Variants in CD36 observed in about 807,000 individuals in gnomAD.
CD36 encodes platelet glycoprotein 4.
In CD36, 119 loss-of-function variants were observed where a neutral mutation model predicts 55.2. The observed-to-expected ratio is 2.15, with a 90% confidence interval of 1.86 to 2.51. CD36 has a LOEUF of 2.51. Ranked by LOEUF, CD36 falls within the 30% of genes most tolerant of loss-of-function variation. The pLI is 0.00. For synonymous variants in CD36, 186 were observed against 193.6 expected, an observed-to-expected ratio of 0.96 and a Z score of 0.33; for missense variants, 819 against 555.5, an observed-to-expected ratio of 1.47 and a Z score of -4.77.
chr7:80,646,625 T>G, intron 2 of CD36, 27 bp from the exon 3 acceptor site: 3 of 1,241,054 alleles, frequency 2.4e-6, no homozygotes. Flanking sequence ...TTTAAGCTTC[T>G]GTTTTATGAT....
intron 2 of CD36, 196 bp downstream of exon 2, chr7:80,646,377 A>G: frequency 3.2e-6 from 1 of 310,880 alleles, no homozygotes; most frequent in Non-Finnish European, 6.3e-6. Context: ...TTCTCCTTAG[A>G]TAAGATTTCA....
intron 4 of CD36, among the ~76,000 whole-genome samples, chr7:80,656,943 G>C (rs1796137633): frequency 6.6e-6 from 1 of 151,892 alleles, no homozygotes; most frequent in Non-Finnish European, 1.5e-5. Flanking sequence ...ACAATATATA[G>C]AAAAGATAAA....
chr7:80,663,243 T>C, intron 6 of CD36, 74 bp downstream of exon 6: 1 of 1,290,536 alleles, frequency 7.7e-7, no homozygotes, highest in Non-Finnish European at 1.1e-6. Flanking sequence ...CAAGGCATAA[T>C]TTTATAATTT....
At chr7:80,616,121 A>T (rs137924362) in intron 1 of CD36, among the ~76,000 whole-genome samples, 1 of 152,272 alleles carries the variant, frequency 6.6e-6, no homozygotes, top group East Asian at 1.9e-4. Context: ...GTTATATCCC[A>T]ATAAAGCTAG....
At chr7:80,642,732 A>G (rs184841330) in intron 1 of CD36, among the ~76,000 whole-genome samples, 3 of 152,120 alleles carry the variant, frequency 2.0e-5, no homozygotes, top group Admixed American at 6.6e-5. Flanking sequence ...AGAGGCAATC[A>G]ATCAGTTGAA....
upstream of CD36, among the ~76,000 whole-genome samples, chr7:80,635,557 G>T (rs1584333926): frequency 6.6e-6 from 1 of 152,116 alleles, no homozygotes; most frequent in Admixed American, 6.6e-5. Context: ...TTACAGGTGT[G>T]AGCCACCAAG....
intron 4 of CD36, among the ~76,000 whole-genome samples, chr7:80,658,023 C>A (rs1355995548): frequency 6.6e-6 from 1 of 152,210 alleles, no homozygotes; most frequent in Non-Finnish European, 1.5e-5. Context: ...GTGGTGCCTA[C>A]TACCATAGCA....
rs910627673 is a variant in CD36, at chr7:80,677,899, T to A, written c.*1516T>A. ...CAGAAAAGGTTTTGACCTATATGTC[T>A]TTAATATTGTTTGAATACATGTATA... is the stretch of plus-strand genomic sequence containing the variant. On this transcript the variant is annotated 3_prime_UTR_variant, in exon 15 of 15. Transcript: ENST00000447544. 21 of 152,320 alleles carry A rather than the reference T, an allele frequency of 1.4e-4. No individual in the cohort carries two copies. Among genetic ancestry groups the A allele is most frequent in the African/African-American group, 5.1e-4 (21 of 41,572 alleles). 9.4% of individuals were successfully genotyped at this position (152,320 alleles called of 1,614,324 possible).
intron 3 of CD36, among the ~76,000 whole-genome samples, chr7:80,652,605 T>A (rs1162229299): frequency 1.3e-5 from 2 of 152,196 alleles, no homozygotes; most frequent in Admixed American, 1.3e-4. Context: ...GTGGGAAGGA[T>A]GGAAGTATGC....
intron 1 of CD36, among the ~76,000 whole-genome samples, chr7:80,610,804 A>G (rs1792838589): frequency 6.6e-6 from 1 of 151,562 alleles, no homozygotes; most frequent in Non-Finnish European, 1.5e-5. Flanking sequence ...CTATCTCCTG[A>G]CCTCGTGATC....
chr7:80,668,780 G>T (rs1267872081), intron 8 of CD36, among the ~76,000 whole-genome samples: 3 of 152,102 alleles, frequency 2.0e-5, no homozygotes, highest in African/African-American at 4.8e-5. Flanking sequence ...AGGTCACAAG[G>T]TTGACACACT....
intron 1 of CD36, among the ~76,000 whole-genome samples, chr7:80,640,193 A>C (rs1429081525): frequency 6.6e-6 from 1 of 151,994 alleles, no homozygotes; most frequent in East Asian, 1.9e-4. Flanking sequence ...TGCAAGTAGC[A>C]TTGTTCTAAA....
chr7:80,609,358 C>T (rs1160959860), intron 1 of CD36, among the ~76,000 whole-genome samples: 7 of 152,140 alleles, frequency 4.6e-5, no homozygotes, highest in Non-Finnish European at 1.0e-4. Flanking sequence ...TACCCTCTCC[C>T]ACTCTGTACC....
intron 14 of CD36, among the ~76,000 whole-genome samples, chr7:80,675,092 T>A (rs1798105530): frequency 6.6e-6 from 1 of 152,304 alleles, no homozygotes; most frequent in East Asian, 1.9e-4. Flanking sequence ...AGAGCTTGTG[T>A]TTGAAAAGGC....
At chr7:80,630,607 G>A (rs1794020030) in intron 1 of CD36, among the ~76,000 whole-genome samples, 1 of 152,004 alleles carries the variant, frequency 6.6e-6, no homozygotes, top group South Asian at 2.1e-4. Context: ...TCCAGAAATG[G>A]TGTGGTTTCC....
rs755288245 is a variant in CD36 at position 80,664,388 on chromosome 7, C to T, written c.610-18C>T. On this transcript the variant is annotated intron_variant, in intron 6 of 14. Transcript: ENST00000447544. ...AAATGACTTGTAGAAGTAACATTTT[C>T]CCATACATATATTTCAGTACAACAA... The T allele has an allele frequency of 7.7e-7, 1 of 1,290,552 alleles. No individual in the cohort carries two copies. Among genetic ancestry groups the T allele is most frequent in the South Asian group, 1.2e-5 (1 of 84,582 alleles). 79.9% of individuals were successfully genotyped at this position (1,290,552 alleles called of 1,614,324 possible).
intron 1 of CD36, among the ~76,000 whole-genome samples, chr7:80,641,376 T>A (rs1000484969): frequency 3.9e-5 from 6 of 152,084 alleles, no homozygotes; most frequent in Non-Finnish European, 7.4e-5. Context: ...AAAGTAATTT[T>A]AAAAACTAAC....
chr7:80,673,748 T>G lies in CD36; in HGVS notation c.1255-235T>G, dbSNP rs1797962396. 4 of 577,882 alleles carry G rather than the reference T, an allele frequency of 6.9e-6. No individual in the cohort carries two copies. The South Asian group carries it at 8.5e-5, about 12-fold the overall frequency. 35.8% of individuals were successfully genotyped at this position (577,882 alleles called of 1,614,324 possible). ...AAGTCTTTGGAGCAAATGAAACTGT[T>G]GACCCTTTGATAGTTCTGAAGAGCA... On this transcript the variant is annotated intron_variant, in intron 13 of 14. Transcript: ENST00000447544.
intron 4 of CD36, among the ~76,000 whole-genome samples, chr7:80,658,282 C>T (rs901485678): frequency 2.0e-4 from 31 of 151,300 alleles, no homozygotes; most frequent in African/African-American, 7.1e-4. Flanking sequence ...TATATACACA[C>T]ATATATATAT....
Sources: allele counts gnomAD v4.1 joint callset (sites outside exome capture counted in the v4.1 genomes callset), GRCh38; gene constraint gnomAD v4.1.1; transcripts MANE v1.5; gene names NCBI Gene and HGNC (gene_info 2026-07-23, HGNC 2026-07-21).